Variants in TMEM94 observed in about 807,000 individuals in gnomAD.
TMEM94 encodes the protein transmembrane protein 94, also known as ER Mg2+ ATPase.
TMEM94 carries 81 observed loss-of-function variants against 158.6 expected under a neutral mutation model. That is an observed-to-expected ratio of 0.51 (90% confidence interval 0.43 to 0.61). The LOEUF (loss-of-function observed/expected upper bound fraction) is 0.61, where lower values mean the gene tolerates loss of function less well. Among genes scored for constraint, TMEM94 ranks in the 20% least tolerant of loss-of-function variants. The pLI is 0.00. For synonymous variants in TMEM94, 751 were observed against 730.7 expected (o/e 1.03, Z -0.45); for missense variants, 1,435 against 1,762.0 (o/e 0.81, Z 3.32).
intron 1 of TMEM94, among the ~76,000 whole-genome samples, chr17:75,458,652 C>T: frequency 6.6e-6 from 1 of 150,756 alleles, no homozygotes; most frequent in Non-Finnish European, 1.5e-5. Flanking sequence ...GATCATGCCA[C>T]TGCACTCACT....
At chr17:75,459,051 C>A (rs894481203) in intron 1 of TMEM94, among the ~76,000 whole-genome samples, 3 of 147,948 alleles carry the variant, frequency 2.0e-5, no homozygotes, top group Admixed American at 2.0e-4. Flanking sequence ...AGCGAGACTC[C>A]GTCTCAAAAA....
At chr17:75,482,186 A>AT (rs1339674404) in intron 2 of TMEM94, among the ~76,000 whole-genome samples, 1 of 152,092 alleles carries the variant, frequency 6.6e-6, no homozygotes, top group African/African-American at 2.4e-5. Context: ...CTACTAAAAT[A>AT]TAAAAAAAAA....
At chr17:75,493,968 C>G (rs2052452067) in intron 18 of TMEM94, 52 bp downstream of exon 18, 1 of 1,555,616 alleles carries the variant, frequency 6.4e-7, no homozygotes, top group African/African-American at 1.4e-5. Context: ...CCCTGGGCTG[C>G]CGAAGCCCAG....
In TMEM94 at chr17:75,494,808, G is replaced by T; in HGVS notation, c.2589G>T (p.Lys863Asn). 5.6e-6 allele frequency: 9 copies of T among 1,613,524 alleles called. No individual in the cohort carries two copies. The highest frequency in any genetic ancestry group is 7.6e-6 in the Non-Finnish European group (9 of 1,179,928). ...CTTTGGAGGATGAGCTCAAAAGCAA[G>T]GTGGGGAGAGCCATCCCTTCTGCCA... Reference protein sequence around the residue: ...YFSLEDELKSKVFAEKMGLET... With the variant: ...YFSLEDELKSNVFAEKMGLET... Residue 863 changes from lysine to asparagine, a missense_variant and splice_region_variant, in exon 19 of 32, where the codon AAG becomes AAT. Lys to Asn is a moderately conservative substitution (Grantham distance 94). Around this residue, in one of 3 missense-constraint regions of TMEM94, gnomAD observed 1,051 missense variants for 1,254.4 expected, o/e 0.84. Transcript: ENST00000314256.
At position 75,494,905 on chromosome 17, in the gene TMEM94, G is replaced by GA. The variant is rs1163944538; in HGVS notation, c.2605dup (p.Met869AsnfsTer18). The GA allele has an allele frequency of 3.1e-6, 5 of 1,613,524 alleles. No individual in the cohort carries two copies. The highest frequency in any genetic ancestry group is 4.2e-6 in the Non-Finnish European group (5 of 1,180,012). On this transcript the variant is annotated frameshift_variant, in exon 20 of 32. Coordinates refer to ENST00000314256, the MANE Select transcript of TMEM94 (RefSeq NM_014738.6). LOFTEE classifies it high-confidence loss of function. ...CGTCTGCCTTTCACAGGTGTTTGCA[G>GA]AAAAAATGGGCCTGGAGACAGGCTG...
chr17:75,486,470 CATATCAGAGCCCTGAGG>C (rs1567943035), intron 5 of TMEM94, 44 bp downstream of exon 5: 3 of 1,612,610 alleles, frequency 1.9e-6, no homozygotes, highest in Non-Finnish European at 2.5e-6. Flanking sequence ...GATGACCGGA[CATATCAGAGCCCTGAGG>C]GCTCCCCTCC....
rs144222120 is a variant in TMEM94, at chr17:75,477,449, A to G, written c.24+5520A>G. On this transcript the variant is annotated intron_variant, in intron 2 of 31. Transcript: ENST00000314256. ...GCCAGGCCTGAAATGGAGTCTCACTATGTTGCCCAGGCTGGTCTCGAACTC... is the reference window on the plus strand; with the variant it reads ...GCCAGGCCTGAAATGGAGTCTCACTGTGTTGCCCAGGCTGGTCTCGAACTC... Among the ~76,000 whole-genome samples the G allele has an allele frequency of 5.0e-3, 759 of 152,092 alleles. 3 individuals carry two copies. Among genetic ancestry groups the G allele is most frequent in the Non-Finnish European group, 7.4e-3 (500 of 67,980 alleles).
At chr17:75,493,377 C>T (rs1203901214) in intron 16 of TMEM94, 114 bp from the exon 17 acceptor site, 9 of 1,080,890 alleles carry the variant, frequency 8.3e-6, no homozygotes, top group South Asian at 1.4e-5. Flanking sequence ...CAGGGAGTCT[C>T]CTCCTCTGGC....
chr17:75,485,488 C>G lies in TMEM94; in HGVS notation c.85C>G (p.Gln29Glu). The G allele has an allele frequency of 2.5e-6, 4 of 1,614,128 alleles. No individual in the cohort carries two copies. Among genetic ancestry groups the G allele is most frequent in the Non-Finnish European group, 3.4e-6 (4 of 1,179,960 alleles). Residue 29 changes from glutamine to glutamate, a missense_variant, in exon 3 of 32, where the codon CAG (glutamine) becomes GAG (glutamate). Physicochemically the swap from Gln to Glu is conservative, Grantham distance 29. Transcript: ENST00000314256. This position sits in a 1 kb window ranked among gnomAD's most constrained non-coding sequence, Gnocchi z 5.5. ...TRKALSVLKE[Q>E]LEAVLEGHLR... ...GAAGGCCCTCAGCGTCCTGAAGGAG[C>G]AGCTGGAGGCAGTGCTGGAAGGACA...
At position 75,485,499 on chromosome 17, in the gene TMEM94, A is replaced by G. The variant is rs2051515868; in HGVS notation, c.96A>G (p.Ala32=). Residue 32 remains alanine (A), a synonymous_variant, in exon 3 of 32, where the codon GCA becomes GCG. Coordinates refer to ENST00000314256, the MANE Select transcript of TMEM94 (RefSeq NM_014738.6). This position sits in a 1 kb window ranked among gnomAD's most constrained non-coding sequence, Gnocchi z 5.5. ...ALSVLKEQLE[A]VLEGHLRERK... ...GCGTCCTGAAGGAGCAGCTGGAGGC[A>G]GTGCTGGAAGGACATCTCAGGGAGC... 1.9e-6 allele frequency: 3 copies of G among 1,614,228 alleles called. No homozygotes were observed. In the East Asian group the frequency reaches 6.7e-5, roughly 36 times the overall value.
chr17:75,470,266 G>A (rs959599522), intron 1 of TMEM94, among the ~76,000 whole-genome samples: 1 of 151,644 alleles, frequency 6.6e-6, no homozygotes, highest in Non-Finnish European at 1.5e-5. Flanking sequence ...GAGGCCAGGA[G>A]GTCAAGACCA....
At position 75,492,397 on chromosome 17, in the gene TMEM94, T is replaced by A. The variant is rs1031820998; in HGVS notation, c.1597-77T>A. The stretch of plus-strand genomic sequence containing the variant: ...TCAGGGGCAGGAGCCCTCCCCAGCC[T>A]TGGGAGGTGGGCAGAGCCAGTGCTG... On this transcript the variant is annotated intron_variant, in intron 14 of 31. Coordinates refer to ENST00000314256, the MANE Select transcript of TMEM94 (RefSeq NM_014738.6). The surrounding 1 kb of genome is among the most constrained non-coding windows in gnomAD (Gnocchi z 4.4). 267 of 1,499,912 alleles carry A rather than the reference T, an allele frequency of 1.8e-4. No homozygotes were observed. Among genetic ancestry groups the A allele is most frequent in the Non-Finnish European group, 2.2e-4 (245 of 1,123,506 alleles). The allele number at this position is 1,499,912 out of a possible 1,614,324, so 92.9% of individuals were successfully genotyped here.
Position 75,464,664 on chromosome 17 carries a change from CTTCCTTCCTTCCTTCTTTCT to C in TMEM94, c.-106-7132_-106-7113del, listed in dbSNP as rs1567906920. ...CCTTCCTTCCTTCCTTCCTTCCTTC[CTTCCTTCCTTCCTTCTTTCT>C]TTCTTTCTTTCTTTCTTTCTTTCCT... On this transcript the variant is annotated intron_variant, in intron 1 of 31. Transcript: ENST00000314256. Among the ~76,000 whole-genome samples, 602 of 107,880 alleles carry C rather than the reference CTTCCTTCCTTCCTTCTTTCT, an allele frequency of 5.6e-3. 4 individuals are homozygous for C. The highest frequency in any genetic ancestry group is 0.024 in the South Asian group (75 of 3,164). 70.8% of individuals were successfully genotyped at this position (107,880 alleles called of 152,430 possible).
Position 75,499,491 on chromosome 17 carries a change from T to C in TMEM94, c.*157T>C. 1 of 695,530 alleles carries C rather than the reference T, an allele frequency of 1.4e-6. No homozygotes were observed. The highest frequency in any genetic ancestry group is 2.4e-6 in the Non-Finnish European group (1 of 410,130). The allele number at this position is 695,530 out of a possible 1,614,324, so 43.1% of individuals were successfully genotyped here. ...CCCGTGTCAGACCCCGCTGTCTTCC[T>C]GAGCCCTGGGGCTCACTGTGGAGGA... On this transcript the variant is annotated 3_prime_UTR_variant, in exon 32 of 32. Coordinates refer to ENST00000314256, the MANE Select transcript of TMEM94 (RefSeq NM_014738.6).
rs1164157290 is a variant in TMEM94, at chr17:75,487,977, A to C, written c.455A>C (p.Tyr152Ser). The C allele has an allele frequency of 6.2e-7, 1 of 1,614,044 alleles. No individual in the cohort carries two copies. The highest frequency in any genetic ancestry group is 1.7e-5 in the Admixed American group (1 of 60,002). ...GAGATCCAGTGGCCCAGTGCCATGT[A>C]TCCAGACCTCCACATGCCTTTTGCG... ...GREIQWPSAM[Y>S]PDLHMPFAPS... The change falls in exon 6 of 32, where the codon TAT becomes TCT. Residue 152 changes from tyrosine to serine, a missense_variant. Physicochemically the swap from Tyr to Ser is moderately radical, Grantham distance 144. Around this residue, in one of 3 missense-constraint regions of TMEM94, gnomAD observed 1,051 missense variants for 1,254.4 expected, o/e 0.84. Coordinates refer to ENST00000314256, the MANE Select transcript of TMEM94 (RefSeq NM_014738.6). This position sits in a 1 kb window ranked among gnomAD's most constrained non-coding sequence, Gnocchi z 4.6.
rs1425506888 is a variant in TMEM94 at position 75,489,903 on chromosome 17, A to G, written c.954+241A>G. Reference sequence around the variant, plus strand: ...AGACCATCCTGGCCAATATGGTGAAACCCCGTCTCTACTAAGAATATAAAA... The same window carrying G: ...AGACCATCCTGGCCAATATGGTGAAGCCCCGTCTCTACTAAGAATATAAAA... On this transcript the variant is annotated intron_variant, in intron 9 of 31. Transcript: ENST00000314256. This position sits in a 1 kb window ranked among gnomAD's most constrained non-coding sequence, Gnocchi z 5.0. The G allele has an allele frequency of 3.5e-6, 2 of 578,608 alleles. No homozygotes were observed. The highest frequency in any genetic ancestry group is 6.2e-6 in the Non-Finnish European group (2 of 322,700). 35.8% of individuals were successfully genotyped at this position (578,608 alleles called of 1,614,324 possible). A position where few individuals can be genotyped will look rare whatever the true frequency, so the allele number is the denominator to read the frequency against.
intron 2 of TMEM94, among the ~76,000 whole-genome samples, chr17:75,474,331 C>T (rs1231907198): frequency 6.6e-6 from 1 of 151,918 alleles, no homozygotes; most frequent in Admixed American, 6.6e-5. Flanking sequence ...AATGGTGAAA[C>T]CCTGTCTCTA....
chr17:75,486,187 T>C lies in TMEM94; in HGVS notation c.273-103T>C, dbSNP rs989922339. On this transcript the variant is annotated intron_variant, in intron 4 of 31. Coordinates refer to ENST00000314256, the MANE Select transcript of TMEM94 (RefSeq NM_014738.6). ...GTCAGGGCACCAGAACGGGACAGTC[T>C]TTCCACAAGGGACTGGGGTGGGAAG... The C allele has an allele frequency of 3.9e-6, 6 of 1,541,104 alleles. No homozygotes were observed. In the Middle Eastern group the frequency reaches 8.4e-4, roughly 216 times the overall value.
intron 1 of TMEM94, among the ~76,000 whole-genome samples, chr17:75,463,376 C>T (rs2050182669): frequency 6.6e-6 from 1 of 151,438 alleles, no homozygotes; most frequent in African/African-American, 2.4e-5. Flanking sequence ...ACTGGCTAAG[C>T]ATCTTCAGTT....
Sources: allele counts gnomAD v4.1 joint callset (sites outside exome capture counted in the v4.1 genomes callset), GRCh38; gene constraint gnomAD v4.1.1; regional missense constraint gnomAD v4.1.1; non-coding constraint Gnocchi (gnomAD v3.1); transcripts MANE v1.5; gene names NCBI Gene and HGNC (gene_info 2026-07-23, HGNC 2026-07-21).